The following AFDN variants were observed in gnomAD, a reference collection of about 807,000 sequenced individuals.
AFDN encodes afadin, adherens junction formation factor, also known as afadin.
AFDN carries 68 observed loss-of-function variants against 216.6 expected under a neutral mutation model. That is an observed-to-expected ratio of 0.31 (90% confidence interval 0.26 to 0.38). AFDN has a LOEUF of 0.38. Among genes scored for constraint, AFDN ranks in the 10% least tolerant of loss-of-function variants. AFDN has a pLI of 1.00. For synonymous variants in AFDN, 868 were observed against 853.7 expected, an observed-to-expected ratio of 1.02 and a Z score of -0.29; for missense variants, 2,136 against 2,342.0, an observed-to-expected ratio of 0.91 and a Z score of 1.82.
chr6:167,864,848 C>T, intron 2 of AFDN, 102 bp downstream of exon 2: 2 of 1,183,288 alleles, frequency 1.7e-6, no homozygotes, highest in Non-Finnish European at 1.3e-6. Context: ...TGCTCGTCTC[C>T]ATCTTTCTTC....
chr6:167,863,121 G>A (rs1441160974), intron 1 of AFDN, among the ~76,000 whole-genome samples: 1 of 152,088 alleles, frequency 6.6e-6, no homozygotes, highest in African/African-American at 2.4e-5. Context: ...AATATGACAT[G>A]CTCCAAAATC....
intron 1 of AFDN, among the ~76,000 whole-genome samples, chr6:167,844,838 C>A (rs947020077): frequency 2.0e-5 from 3 of 148,988 alleles, no homozygotes; most frequent in Non-Finnish European, 3.0e-5. Context: ...GAATGAGCAT[C>A]CTTTTCTTTT....
chr6:167,880,084 A>G (rs1409207611), intron 5 of AFDN, among the ~76,000 whole-genome samples: 1 of 152,150 alleles, frequency 6.6e-6, no homozygotes, highest in Non-Finnish European at 1.5e-5. Flanking sequence ...AAATCAATTC[A>G]TTGTTTTTAA....
At chr6:167,870,853 T>C (rs1396627778) in intron 3 of AFDN, among the ~76,000 whole-genome samples, 3 of 152,186 alleles carry the variant, frequency 2.0e-5, no homozygotes, top group African/African-American at 4.8e-5. Context: ...TTTATATCTA[T>C]TTGTGAACTT....
Position 167,963,668 on chromosome 6 carries a change from C to CT in AFDN, c.4968+1102dup, listed in dbSNP as rs1020604241. The CT allele has an allele frequency of 5.0e-5, 53 of 1,060,686 alleles. No homozygotes were observed. In the African/African-American group the frequency reaches 6.7e-4, roughly 13 times the overall value. 65.7% of individuals were successfully genotyped at this position (1,060,686 alleles called of 1,614,324 possible). ...TCTGCATTTTGTAGACCTTTGCCCTCTAAGTTTATCATCATATTATCTGTT... is the reference window on the plus strand; with the variant it reads ...TCTGCATTTTGTAGACCTTTGCCCTCTTAAGTTTATCATCATATTATCTGTT... On this transcript the variant is annotated intron_variant, in intron 31 of 33. Coordinates refer to ENST00000683244, the MANE Select transcript of AFDN (RefSeq NM_001386888.1).
At chr6:167,908,106 C>G (rs923957537) in intron 13 of AFDN, among the ~76,000 whole-genome samples, 1 of 152,218 alleles carries the variant, frequency 6.6e-6, no homozygotes, top group South Asian at 2.1e-4. Flanking sequence ...GCAGCATTCC[C>G]CCTTTGGGGC....
chr6:167,961,819 G>A (rs1457718467), intron 30 of AFDN, among the ~76,000 whole-genome samples: 2 of 152,094 alleles, frequency 1.3e-5, no homozygotes, highest in Non-Finnish European at 2.9e-5. Context: ...GTAGTCCTGA[G>A]TCGGGAGGGA....
In AFDN at chr6:167,897,798, C is replaced by T. The variant is rs144257202; in HGVS notation, c.1318-407C>T. On this transcript the variant is annotated intron_variant, in intron 10 of 33. Transcript: ENST00000683244. ...AGTAGCTGGGGTTACAGGCACGCGC[C>T]ACCACGCCTGCTAATTTTTGTATTT... Among the ~76,000 whole-genome samples, 251 of 152,112 alleles carry T rather than the reference C, an allele frequency of 1.7e-3. 1 individual carries two copies. The highest frequency in any genetic ancestry group is 1.3e-3 in the Non-Finnish European group (91 of 67,990).
At chr6:167,835,261 T>C (rs946165794) in intron 1 of AFDN, among the ~76,000 whole-genome samples, 3 of 152,238 alleles carry the variant, frequency 2.0e-5, no homozygotes, top group Non-Finnish European at 2.9e-5. Flanking sequence ...GCTCAAATTT[T>C]ATTATTGACA....
chr6:167,827,146 G>A lies in AFDN; in HGVS notation c.14G>A (p.Gly5Asp). 1 of 1,292,996 alleles carries A rather than the reference G, an allele frequency of 7.7e-7. No individual in the cohort carries two copies. 80.1% of individuals were successfully genotyped at this position (1,292,996 alleles called of 1,614,324 possible). The change falls in exon 1 of 34, where the codon GGC becomes GAC. Residue 5 changes from glycine to aspartate, a missense_variant. Transcript: ENST00000683244. The part of the protein sequence containing the change: MSAG[G>D]RDEERRKLAD... ...GCGGCCAGGACCATGTCGGCGGGCG[G>A]CCGTGACGAGGAGCGGCGGAAGCTG...
At chr6:167,841,361 A>G (rs532074748) in intron 1 of AFDN, among the ~76,000 whole-genome samples, 1 of 152,288 alleles carries the variant, frequency 6.6e-6, no homozygotes, top group Non-Finnish European at 1.5e-5. Flanking sequence ...AGAGGAGACT[A>G]CAAGGAAAAA....
intron 2 of AFDN, among the ~76,000 whole-genome samples, chr6:167,867,727 G>A (rs1013009152): frequency 3.9e-5 from 6 of 152,020 alleles, no homozygotes; most frequent in South Asian, 2.1e-4. Context: ...CACCGCGCCC[G>A]GTTACATGAT....
At chr6:167,930,077 C>T (rs749545652) in intron 23 of AFDN, among the ~76,000 whole-genome samples, 7 of 152,038 alleles carry the variant, frequency 4.6e-5, no homozygotes, top group African/African-American at 1.5e-4. Context: ...TGATGATGTG[C>T]GCCTGTGGTC....
rs781319758 is a variant in AFDN at position 167,893,780 on chromosome 6, T to C, written c.1178-82T>C. 2.5e-4 allele frequency: 261 copies of C among 1,063,202 alleles called. 1 individual carries two copies. Among genetic ancestry groups the C allele is most frequent in the Non-Finnish European group, 3.5e-4 (247 of 701,632 alleles). The allele number at this position is 1,063,202 out of a possible 1,614,324, so 65.9% of individuals were successfully genotyped here. On this transcript the variant is annotated intron_variant, in intron 8 of 33. Transcript: ENST00000683244. ...TCACCCTCTGCGTCTCTTCTCCTCC[T>C]TCCCTATTCCGCGTGTTCTGCATGG...
chr6:167,952,359 C>T, intron 30 of AFDN, 172 bp downstream of exon 30: 1 of 1,500,138 alleles, frequency 6.7e-7, no homozygotes, highest in South Asian at 1.4e-5. Context: ...AGAAATGAGT[C>T]AGGCCTATAA....
intron 1 of AFDN, among the ~76,000 whole-genome samples, chr6:167,862,203 C>G (rs1340754434): frequency 6.6e-6 from 1 of 151,998 alleles, no homozygotes; most frequent in Non-Finnish European, 1.5e-5. Flanking sequence ...AGAGGTACAG[C>G]CAGCAGATGT....
chr6:167,895,042 A>G (rs1349990819), intron 9 of AFDN, among the ~76,000 whole-genome samples: 2 of 152,100 alleles, frequency 1.3e-5, no homozygotes, highest in Non-Finnish European at 2.9e-5. Context: ...TTATATAAGT[A>G]TTCACTGCTG....
intron 15 of AFDN, 75 bp downstream of exon 15, chr6:167,911,564 T>G: frequency 7.6e-7 from 1 of 1,316,462 alleles, no homozygotes; most frequent in Non-Finnish European, 1.1e-6. Context: ...TTCAGCTTCT[T>G]TAAGGCTTCT....
intron 8 of AFDN, 75 bp downstream of exon 8, chr6:167,891,104 A>T (rs1204198374): frequency 8.2e-7 from 1 of 1,216,802 alleles, no homozygotes; most frequent in African/African-American, 1.5e-5. Flanking sequence ...TTTCTAATGC[A>T]TCTTCAAGTA....
Sources: allele counts gnomAD v4.1 joint callset (sites outside exome capture counted in the v4.1 genomes callset), GRCh38; gene constraint gnomAD v4.1.1; transcripts MANE v1.5; gene names NCBI Gene and HGNC (gene_info 2026-07-23, HGNC 2026-07-21).